SLC9A2: variants seen among roughly 807,000 people sequenced by gnomAD.
The protein encoded by SLC9A2 is sodium/hydrogen exchanger 2.
A neutral mutation model predicts 71.7 loss-of-function variants in SLC9A2; 42 were observed. The ratio of observed to expected loss-of-function variants is 0.59; its 90% confidence interval spans 0.46 to 0.76. SLC9A2 has a LOEUF of 0.76. Among genes scored for constraint, SLC9A2 ranks in the 30% least tolerant of loss-of-function variants. SLC9A2 has a pLI of 0.00. For synonymous variants in SLC9A2, 396 were observed against 392.5 expected, an observed-to-expected ratio of 1.01 and a Z score of -0.10; for missense variants, 829 against 1,017.4, an observed-to-expected ratio of 0.81 and a Z score of 2.52.
intron 1 of SLC9A2, among the ~76,000 whole-genome samples, chr2:102,631,881 C>T (rs1335257990): frequency 6.7e-6 from 1 of 150,248 alleles, no homozygotes; most frequent in Non-Finnish European, 1.5e-5. Flanking sequence ...AAAGATAGCC[C>T]TGGATTAGAA....
intron 3 of SLC9A2, among the ~76,000 whole-genome samples, chr2:102,667,219 CCA>C (rs146795758): frequency 1.4e-3 from 208 of 152,280 alleles, no homozygotes; most frequent in African/African-American, 4.8e-3. Context: ...TGTATGACTT[CCA>C]GTTTCCTCAC....
At chr2:102,703,165 C>T (rs1677907545) in intron 9 of SLC9A2, among the ~76,000 whole-genome samples, 1 of 152,184 alleles carries the variant, frequency 6.6e-6, no homozygotes, top group African/African-American at 2.4e-5. Flanking sequence ...CTGGTGTCCC[C>T]ATAAGGTGTC....
At chr2:102,624,859 G>T (rs1676214519) in intron 1 of SLC9A2, among the ~76,000 whole-genome samples, 1 of 152,084 alleles carries the variant, frequency 6.6e-6, no homozygotes, top group African/African-American at 2.4e-5. Context: ...TGGGATCCAG[G>T]CTATCCTGAA....
intron 8 of SLC9A2, among the ~76,000 whole-genome samples, chr2:102,701,465 T>C (rs72828049): frequency 0.13 from 20,265 of 152,184 alleles, 1,693 homozygotes; most frequent in East Asian, 0.19. Flanking sequence ...AAAATTTTCA[T>C]CAGCCAATCA....
chr2:102,631,462 T>G (rs1676355371), intron 1 of SLC9A2, among the ~76,000 whole-genome samples: 1 of 151,934 alleles, frequency 6.6e-6, no homozygotes, highest in African/African-American at 2.4e-5. Flanking sequence ...GTGTCAGGAG[T>G]TCCCCTGGTT....
intron 8 of SLC9A2, 152 bp from the exon 9 acceptor site, chr2:102,702,254 A>AGAATTTG (rs1677886329): frequency 3.7e-6 from 2 of 535,842 alleles, no homozygotes; most frequent in African/African-American, 4.0e-5. Context: ...TAAGAGTCAC[A>AGAATTTG]GAATTTGGAA....
chr2:102,677,570 C>T (rs1677365457), intron 3 of SLC9A2, among the ~76,000 whole-genome samples: 2 of 152,146 alleles, frequency 1.3e-5, no homozygotes, highest in Admixed American at 1.3e-4. Context: ...TAAGACCTAT[C>T]AAAATCTGGG....
intron 1 of SLC9A2, among the ~76,000 whole-genome samples, chr2:102,649,768 T>C (rs1364850794): frequency 6.6e-6 from 1 of 152,126 alleles, no homozygotes; most frequent in African/African-American, 2.4e-5. Flanking sequence ...AACCCCGAGA[T>C]ACCATCTCAC....
chr2:102,639,726 C>T (rs1676537173), intron 1 of SLC9A2, among the ~76,000 whole-genome samples: 2 of 151,850 alleles, frequency 1.3e-5, no homozygotes, highest in South Asian at 2.1e-4. Flanking sequence ...CCTTGAGCCC[C>T]TGGTAAACTC....
chr2:102,665,073 G>C, intron 2 of SLC9A2, 27 bp from the exon 3 acceptor site: 1 of 1,595,258 alleles, frequency 6.3e-7, no homozygotes, highest in Admixed American at 1.7e-5. Context: ...AAAGGGTCTT[G>C]ACAAGGTGTT....
In SLC9A2 at chr2:102,675,757, A is replaced by G. The variant is rs775971267; in HGVS notation, c.1005-7504A>G. On this transcript the variant is annotated intron_variant, in intron 3 of 11. Transcript: ENST00000233969. The stretch of plus-strand genomic sequence containing the variant: ...AGTTGGCAAATGTAGTTAAATCCAC[A>G]TTACTCCTCAAATCCCATGTTAACC... Among the ~76,000 whole-genome samples, 64 of 152,190 alleles carry G rather than the reference A, an allele frequency of 4.2e-4. 1 individual carries two copies. The highest frequency in any genetic ancestry group is 1.4e-3 in the Admixed American group (21 of 15,280).
intron 2 of SLC9A2, among the ~76,000 whole-genome samples, chr2:102,659,649 C>T (rs1180310264): frequency 6.6e-6 from 1 of 152,136 alleles, no homozygotes; most frequent in Non-Finnish European, 1.5e-5. Context: ...TAAGTTACCT[C>T]ACTTAAGTAA....
chr2:102,694,571 G>A, intron 6 of SLC9A2, 68 bp downstream of exon 6: 1 of 713,414 alleles, frequency 1.4e-6, no homozygotes, highest in Non-Finnish European at 2.3e-6. Flanking sequence ...CAAACAGCTT[G>A]GTACCACGTT....
chr2:102,669,971 T>C (rs1024256711), intron 3 of SLC9A2, among the ~76,000 whole-genome samples: 4 of 152,172 alleles, frequency 2.6e-5, no homozygotes, highest in African/African-American at 9.6e-5. Flanking sequence ...ATTTTGAAAA[T>C]GGCTAACTCC....
intron 3 of SLC9A2, among the ~76,000 whole-genome samples, chr2:102,675,381 A>T (rs1029570124): frequency 6.6e-6 from 1 of 152,192 alleles, no homozygotes; most frequent in Admixed American, 6.5e-5. Flanking sequence ...TGGAATCTTT[A>T]AGGAGAAGTG....
At chr2:102,684,683 A>G (rs1677514002) in intron 5 of SLC9A2, among the ~76,000 whole-genome samples, 1 of 152,232 alleles carries the variant, frequency 6.6e-6, no homozygotes, top group South Asian at 2.1e-4. Flanking sequence ...TCCAACAGCT[A>G]TTTGACATGA....
chr2:102,658,170 T>C, intron 2 of SLC9A2, 143 bp downstream of exon 2: 1 of 599,292 alleles, frequency 1.7e-6, no homozygotes. Flanking sequence ...CTTCACTTGG[T>C]TTAATGCTCT....
chr2:102,684,077 A>C, intron 4 of SLC9A2, 57 bp from the exon 5 acceptor site: 11 of 1,235,968 alleles, frequency 8.9e-6, no homozygotes, highest in Non-Finnish European at 1.2e-5. Flanking sequence ...GAGTCTATGT[A>C]TTTTCATATT....
intron 9 of SLC9A2, among the ~76,000 whole-genome samples, chr2:102,702,826 G>T (rs1677899863): frequency 6.6e-6 from 1 of 152,150 alleles, no homozygotes; most frequent in Non-Finnish European, 1.5e-5. Flanking sequence ...TTTAAAAATG[G>T]ACCTCACCCT....
Sources: gnomAD v4.1 joint callset for allele counts (sites outside exome capture counted in the v4.1 genomes callset) on GRCh38, gnomAD v4.1.1 for gene constraint, MANE v1.5 for transcripts, NCBI Gene and HGNC (gene_info 2026-07-23, HGNC 2026-07-21) for gene names.